Variants in FAM20C observed in about 807,000 individuals in gnomAD.
FAM20C encodes extracellular serine/threonine protein kinase FAM20C.
A neutral mutation model predicts 51.5 loss-of-function variants in FAM20C; 40 were observed. The observed-to-expected ratio is 0.78, with a 90% CI of 0.60 to 1.01. The LOEUF is 1.01. Ranked by LOEUF, FAM20C falls within the 50% of genes least tolerant of loss-of-function variation. FAM20C has a pLI of 0.00. For synonymous variants in FAM20C, 406 were observed against 380.6 expected, an observed-to-expected ratio of 1.07 and a Z score of -0.78; for missense variants, 861 against 844.7, an observed-to-expected ratio of 1.02 and a Z score of -0.24.
intron 6 of FAM20C, 193 bp downstream of exon 6, chr7:256,222 C>A (rs1788585082): frequency 2.7e-6 from 2 of 745,636 alleles, no homozygotes; most frequent in African/African-American, 3.5e-5. Flanking sequence ...TCCAGTATTT[C>A]CATGTGCTTC....
At chr7:230,386 A>G (rs1355283818) in intron 3 of FAM20C, among the ~76,000 whole-genome samples, 7 of 73,200 alleles carry the variant, frequency 9.6e-5, no homozygotes, top group Non-Finnish European at 1.9e-4. Context: ...GGGGGGGGGG[A>G]ACAGATCCCC....
intron 3 of FAM20C, among the ~76,000 whole-genome samples, chr7:243,720 C>G (rs1471372152): frequency 8.4e-6 from 1 of 119,500 alleles, no homozygotes; most frequent in Non-Finnish European, 1.7e-5. Flanking sequence ...CCCAAGAGAC[C>G]TGTGCCACCC....
chr7:207,017 C>T (rs113006617), intron 2 of FAM20C, among the ~76,000 whole-genome samples: 42 of 30,414 alleles, frequency 1.4e-3, no homozygotes, highest in African/African-American at 2.7e-3. Flanking sequence ...CCCTCGGCCC[C>T]GCACACGTAT....
chr7:229,336 T>A (rs1396534407), intron 3 of FAM20C: 1 of 181,238 alleles, frequency 5.5e-6, no homozygotes, highest in Non-Finnish European at 1.2e-5. Flanking sequence ...CCTCCGGTCC[T>A]TCCTGGGCCC....
At chr7:249,140 C>T (rs1184338773) in intron 5 of FAM20C, among the ~76,000 whole-genome samples, 1 of 152,244 alleles carries the variant, frequency 6.6e-6, no homozygotes, top group South Asian at 2.1e-4. Flanking sequence ...TCCAGGTGGC[C>T]CAGCCAGCAA....
chr7:217,305 G>A (rs1199203867), intron 3 of FAM20C, among the ~76,000 whole-genome samples: 2 of 26,232 alleles, frequency 7.6e-5, no homozygotes, highest in South Asian at 1.3e-3. Context: ...GCTTGCCCAG[G>A]CCCCTCCTGG....
intron 3 of FAM20C, among the ~76,000 whole-genome samples, chr7:233,734 C>T (rs898327375): frequency 2.6e-5 from 4 of 152,192 alleles, no homozygotes; most frequent in Non-Finnish European, 4.4e-5. Flanking sequence ...CTGTGCCTCC[C>T]GCCACGCGAG....
Position 259,727 on chromosome 7 carries a change from C to T in FAM20C, c.1506-4C>T. ...GCCAGGCCTGATGCCCCTCTCCTCC[C>T]CAGGATCCGGAAGTCCACCTACCTG... On this transcript the variant is annotated splice_region_variant and splice_polypyrimidine_tract_variant and intron_variant, in intron 9 of 9. Coordinates refer to ENST00000313766, the MANE Select transcript of FAM20C (RefSeq NM_020223.4). The T allele has an allele frequency of 2.0e-6, 3 of 1,531,524 alleles. No homozygotes were observed. The highest frequency in any genetic ancestry group is 2.0e-5 in the Admixed American group (1 of 50,786). 94.9% of individuals were successfully genotyped at this position (1,531,524 alleles called of 1,614,324 possible).
At chr7:204,918 G>C (rs143448851) in intron 2 of FAM20C, among the ~76,000 whole-genome samples, 1 of 151,668 alleles carries the variant, frequency 6.6e-6, no homozygotes, top group Non-Finnish European at 1.5e-5. Context: ...CTCGGTGCTC[G>C]GGGAGGGGAC....
chr7:233,756 A>C (rs1787769756), intron 3 of FAM20C, among the ~76,000 whole-genome samples: 1 of 152,174 alleles, frequency 6.6e-6, no homozygotes, highest in Admixed American at 6.5e-5. Context: ...CAGCAGTCAC[A>C]GGTCCTGGGG....
chr7:218,217 T>C (rs1787092982), intron 3 of FAM20C, among the ~76,000 whole-genome samples: 1 of 152,208 alleles, frequency 6.6e-6, no homozygotes. Flanking sequence ...CTTTTCTCAA[T>C]GAAGCAAAGT....
At chr7:197,084 A>G (rs994984625) in intron 2 of FAM20C, 1 of 166,778 alleles carries the variant, frequency 6.0e-6, no homozygotes, top group Non-Finnish European at 1.5e-5. Context: ...GAGCATGGCC[A>G]TTAAGGAAAT....
intron 3 of FAM20C, among the ~76,000 whole-genome samples, chr7:211,725 G>A (rs1166689278): frequency 6.6e-6 from 1 of 152,192 alleles, no homozygotes; most frequent in African/African-American, 2.4e-5. Context: ...AGCATAGCCA[G>A]GAAACAGGCC....
chr7:255,347 T>C (rs964000288), intron 5 of FAM20C, among the ~76,000 whole-genome samples: 6 of 152,208 alleles, frequency 3.9e-5, no homozygotes, highest in Admixed American at 2.0e-4. Context: ...GCCCGTCTCT[T>C]CTCATGCTTG....
At chr7:199,986 C>T (rs1056302123) in intron 2 of FAM20C, among the ~76,000 whole-genome samples, 1 of 152,210 alleles carries the variant, frequency 6.6e-6, no homozygotes, top group African/African-American at 2.4e-5. Context: ...AAAAATGACT[C>T]TGCAGGACCA....
intron 3 of FAM20C, among the ~76,000 whole-genome samples, chr7:209,363 G>A (rs953086284): frequency 6.6e-6 from 1 of 152,222 alleles, no homozygotes; most frequent in African/African-American, 2.4e-5. Context: ...AGGGCCGGAC[G>A]CAGCTATTTC....
intron 3 of FAM20C, among the ~76,000 whole-genome samples, chr7:229,995 G>C (rs1017217732): frequency 3.9e-5 from 6 of 152,176 alleles, no homozygotes; most frequent in Admixed American, 1.3e-4. Context: ...GGGGTAGGGG[G>C]ATGGGGAAGG....
At chr7:242,305 C>T (rs1190569258) in intron 3 of FAM20C, among the ~76,000 whole-genome samples, 2 of 152,240 alleles carry the variant, frequency 1.3e-5, no homozygotes, top group Non-Finnish European at 2.9e-5. Flanking sequence ...TGGAGATGTG[C>T]TGTCTGTGGG....
chr7:215,280 GGA>G (rs1786913273), intron 3 of FAM20C, among the ~76,000 whole-genome samples: 1 of 72,708 alleles, frequency 1.4e-5, no homozygotes, highest in Non-Finnish European at 3.1e-5. Context: ...CTGGGTGGGG[GGA>G]GCAGGGCCCG....
Sources: allele counts gnomAD v4.1 joint callset (sites outside exome capture counted in the v4.1 genomes callset), GRCh38; gene constraint gnomAD v4.1.1; transcripts MANE v1.5; gene names NCBI Gene and HGNC (gene_info 2026-07-23, HGNC 2026-07-21).